The following UGGT2 variants were observed in gnomAD, a reference collection of about 807,000 sequenced individuals.
UGGT2 encodes UDP-glucose:glycoprotein glucosyltransferase 2.
In UGGT2, 180 loss-of-function variants were observed where a neutral mutation model predicts 192.1. That is an observed-to-expected ratio of 0.94 (90% CI 0.83 to 1.06). The LOEUF is 1.06. Ranked by LOEUF, UGGT2 falls within the 50% of genes least tolerant of loss-of-function variation. The probability of loss-of-function intolerance (pLI) is 0.00; values close to 1 mark genes in which losing one functional copy is unlikely to be tolerated. For missense variants in UGGT2, 1,849 were observed against 1,795.7 expected (o/e 1.03, Z -0.54); for synonymous variants, 580 against 591.0 (o/e 0.98, Z 0.27).
intron 17 of UGGT2, among the ~76,000 whole-genome samples, chr13:95,929,537 G>C (rs2049170687): frequency 6.6e-6 from 1 of 152,204 alleles, no homozygotes; most frequent in Non-Finnish European, 1.5e-5. Flanking sequence ...ACTCATAAGA[G>C]AGAACATGCA....
chr13:95,860,700 T>TC (rs1890078418), intron 32 of UGGT2, 88 bp downstream of exon 32: 12 of 753,650 alleles, frequency 1.6e-5, no homozygotes, highest in African/African-American at 1.8e-5. Context: ...GTTTTTTTTT[T>TC]CCCAGTGTAT....
At chr13:95,931,493 C>A (rs1014154852) in intron 17 of UGGT2, among the ~76,000 whole-genome samples, 2 of 151,596 alleles carry the variant, frequency 1.3e-5, no homozygotes, top group Non-Finnish European at 2.9e-5. Context: ...CAGGGGGCAG[C>A]ACTCGTCGGG....
At chr13:95,971,651 TA>T (rs2050777728) in intron 11 of UGGT2, among the ~76,000 whole-genome samples, 2 of 152,206 alleles carry the variant, frequency 1.3e-5, no homozygotes, top group Admixed American at 1.3e-4. Flanking sequence ...GGCACATATA[TA>T]ATTTTTGTTC....
chr13:95,807,201 T>C (rs1466500741), intron 38 of UGGT2, among the ~76,000 whole-genome samples: 3 of 152,120 alleles, frequency 2.0e-5, no homozygotes, highest in Admixed American at 2.0e-4. Flanking sequence ...TAAGAGAAAA[T>C]ATACCTTACT....
chr13:95,933,288 A>G (rs2049349046), intron 17 of UGGT2, among the ~76,000 whole-genome samples: 1 of 152,062 alleles, frequency 6.6e-6, no homozygotes, highest in Non-Finnish European at 1.5e-5. Context: ...CAGGGTGTCA[A>G]TTTCTTCCTG....
intron 12 of UGGT2, among the ~76,000 whole-genome samples, chr13:95,965,507 C>T (rs537546833): frequency 3.4e-5 from 5 of 148,242 alleles, no homozygotes; most frequent in Admixed American, 6.9e-5. Context: ...AACCAAACAC[C>T]GCCATGTTCT....
At chr13:95,980,040 T>C (rs1321926473) in intron 10 of UGGT2, among the ~76,000 whole-genome samples, 2 of 152,208 alleles carry the variant, frequency 1.3e-5, no homozygotes, top group Non-Finnish European at 2.9e-5. Context: ...TTTTACAATG[T>C]TGGTGGGAAT....
intron 10 of UGGT2, among the ~76,000 whole-genome samples, chr13:95,981,518 C>G (rs886174661): frequency 6.6e-6 from 1 of 152,092 alleles, no homozygotes. Flanking sequence ...AGTCCCAGAC[C>G]CAGAGGAAAA....
At chr13:95,811,300 A>G (rs988324742) in intron 38 of UGGT2, among the ~76,000 whole-genome samples, 8 of 152,346 alleles carry the variant, frequency 5.3e-5, no homozygotes, top group Admixed American at 3.3e-4. Flanking sequence ...CCTGTATATA[A>G]ATATTCATAG....
intron 30 of UGGT2, among the ~76,000 whole-genome samples, chr13:95,865,573 A>G (rs7323734): frequency 0.36 from 54,320 of 152,072 alleles, 10,210 homozygotes; most frequent in Non-Finnish European, 0.42. Flanking sequence ...CTGAGGCAGA[A>G]AGATCACTTG....
At chr13:95,869,388 T>C (rs1891017339) in intron 29 of UGGT2, among the ~76,000 whole-genome samples, 1 of 152,206 alleles carries the variant, frequency 6.6e-6, no homozygotes, top group Non-Finnish European at 1.5e-5. Context: ...CTTATAATCC[T>C]TTGGGTATAT....
chr13:95,953,033 TATTATG>T (rs1183461373), intron 12 of UGGT2, among the ~76,000 whole-genome samples: 1 of 152,208 alleles, frequency 6.6e-6, no homozygotes, highest in African/African-American at 2.4e-5. Flanking sequence ...TTTAAAGATC[TATTATG>T]ATTATGATTC....
At chr13:95,927,470 C>CA in intron 17 of UGGT2, 134 bp from the exon 18 acceptor site, 5 of 242,402 alleles carry the variant, frequency 2.1e-5, no homozygotes, top group Non-Finnish European at 2.0e-5. Flanking sequence ...CATTTTCTTT[C>CA]TTTTTTTTTT....
intron 2 of UGGT2, among the ~76,000 whole-genome samples, chr13:96,029,363 T>C (rs1239687070): frequency 1.3e-5 from 2 of 150,484 alleles, no homozygotes; most frequent in African/African-American, 4.9e-5. Flanking sequence ...CTCGGCTCAC[T>C]GCAGCCTATG....
chr13:95,927,298 T>G lies in UGGT2; in HGVS notation c.2016A>C (p.Leu672=), dbSNP rs766719684. 2 of 1,609,938 alleles carry G rather than the reference T, an allele frequency of 1.2e-6. No homozygotes were observed. The highest frequency in any genetic ancestry group is 1.7e-6 in the Non-Finnish European group (2 of 1,178,906). ...LNDRTNAIDF[L]MDRNNVVPRI... is the part of the protein sequence containing the mutation. ...GGGGTACAACATTATTCCTATCCATTAGAAAATCAATTGCATTCGTGCGAT... is the reference window on the plus strand; with the variant it reads ...GGGGTACAACATTATTCCTATCCATGAGAAAATCAATTGCATTCGTGCGAT... The change falls in exon 18 of 39, where the codon CTA becomes CTC. Residue 672 remains leucine, a synonymous_variant. Coordinates refer to ENST00000376747, the MANE Select transcript of UGGT2 (RefSeq NM_020121.4).
At chr13:96,044,928 C>T (rs1011796807) in intron 1 of UGGT2, among the ~76,000 whole-genome samples, 2 of 151,846 alleles carry the variant, frequency 1.3e-5, no homozygotes, top group Non-Finnish European at 2.9e-5. Context: ...TCAAAGAATT[C>T]GTACGAATCC....
chr13:96,017,945 A>C (rs890759339), intron 4 of UGGT2, among the ~76,000 whole-genome samples: 7 of 152,212 alleles, frequency 4.6e-5, no homozygotes, highest in African/African-American at 1.7e-4. Flanking sequence ...AGTATCTCCA[A>C]AAATATTTAC....
intron 9 of UGGT2, among the ~76,000 whole-genome samples, chr13:95,986,016 C>T (rs1329156722): frequency 6.6e-6 from 1 of 151,972 alleles, no homozygotes; most frequent in Non-Finnish European, 1.5e-5. Context: ...AAAGAAAAAA[C>T]ACTCCTTCAT....
chr13:95,811,919 C>A (rs1009821407), intron 38 of UGGT2, among the ~76,000 whole-genome samples: 2 of 151,366 alleles, frequency 1.3e-5, no homozygotes, highest in South Asian at 4.2e-4. Flanking sequence ...AAGAAAAAAA[C>A]CCAAAACAAG....
Sources: gnomAD v4.1 joint callset for allele counts (sites outside exome capture counted in the v4.1 genomes callset) on GRCh38, gnomAD v4.1.1 for gene constraint, MANE v1.5 for transcripts, NCBI Gene and HGNC (gene_info 2026-07-23, HGNC 2026-07-21) for gene names.